The following TBC1D32 variants were observed in gnomAD, a reference collection of about 807,000 sequenced individuals.
TBC1D32 encodes the protein TBC1 domain family member 32.
A neutral mutation model predicts 170.3 loss-of-function variants in TBC1D32; 151 were observed. The ratio of observed to expected loss-of-function variants is 0.89; its 90% confidence interval spans 0.78 to 1.01. The LOEUF (loss-of-function observed/expected upper bound fraction) is 1.01, where lower values mean the gene tolerates loss of function less well. TBC1D32 is among the 50% of genes least tolerant of loss of function. TBC1D32 has a pLI of 0.00. For missense variants in TBC1D32, 1,464 were observed against 1,457.1 expected (o/e 1.00, Z -0.08); for synonymous variants, 498 against 488.0 (o/e 1.02, Z -0.27).
At chr6:121,271,398 A>G (rs1304601893) in intron 15 of TBC1D32, among the ~76,000 whole-genome samples, 1 of 152,210 alleles carries the variant, frequency 6.6e-6, no homozygotes, top group East Asian at 1.9e-4. Context: ...TTAAGCTGAT[A>G]AGCAACTTCA....
At chr6:121,274,601 T>C (rs1365775538) in intron 15 of TBC1D32, among the ~76,000 whole-genome samples, 1 of 152,014 alleles carries the variant, frequency 6.6e-6, no homozygotes, top group Non-Finnish European at 1.5e-5. Flanking sequence ...ACAATTATTA[T>C]GTGTCAATTT....
chr6:121,202,958 A>G lies in TBC1D32; in HGVS notation c.2570+2117T>C, dbSNP rs969866342. Among the ~76,000 whole-genome samples, 2 of 151,502 alleles carry G rather than the reference A, an allele frequency of 1.3e-5. 1 individual carries two copies. The highest frequency in any genetic ancestry group is 4.9e-5 in the African/African-American group (2 of 40,838). ...GCATTACACTTAATGCTACTGCTAC[A>G]GTTTTGAGGCAGAAGAAAATATAAA... On this transcript the variant is annotated intron_variant, in intron 22 of 31. Transcript: ENST00000398212.
chr6:121,168,306 C>G (rs1786357805), intron 22 of TBC1D32, among the ~76,000 whole-genome samples: 1 of 140,400 alleles, frequency 7.1e-6, no homozygotes, highest in South Asian at 2.4e-4. Context: ...AGACTTGGAA[C>G]CAACCCAAAT....
chr6:121,169,683 C>T (rs1786675257), intron 22 of TBC1D32, among the ~76,000 whole-genome samples: 1 of 152,102 alleles, frequency 6.6e-6, no homozygotes, highest in South Asian at 2.1e-4. Flanking sequence ...CTTCCATACT[C>T]AGCAGCTGTT....
chr6:121,280,362 G>C (rs1802811009), intron 14 of TBC1D32, among the ~76,000 whole-genome samples: 2 of 151,734 alleles, frequency 1.3e-5, no homozygotes, highest in Admixed American at 1.3e-4. Context: ...TATATTTGCA[G>C]TACCCAGCAG....
rs78006793 is a variant in TBC1D32 at position 121,179,190 on chromosome 6, A to G, written c.2571-18134T>C. 2.5e-3 allele frequency among the ~76,000 whole-genome samples: 384 copies of G among 152,092 alleles called. 13 individuals carry two copies. In the East Asian group the frequency reaches 0.064, roughly 25 times the overall value. ...GGGGGATACATATACACACATACAT[A>G]CATATATATACACACACACACTAAA... On this transcript the variant is annotated intron_variant, in intron 22 of 31. Transcript: ENST00000398212.
chr6:121,310,231 C>T (rs1807980468), intron 4 of TBC1D32, among the ~76,000 whole-genome samples: 2 of 151,812 alleles, frequency 1.3e-5, no homozygotes, highest in South Asian at 2.1e-4. Flanking sequence ...TTGAAAACTG[C>T]TAAGAGAGTA....
intron 10 of TBC1D32, among the ~76,000 whole-genome samples, chr6:121,296,757 A>AG (rs141008983): frequency 0.033 from 4,984 of 152,268 alleles, 192 homozygotes; most frequent in East Asian, 0.12. Flanking sequence ...AAAACAAAAC[A>AG]AAGTGGATTA....
intron 26 of TBC1D32, among the ~76,000 whole-genome samples, chr6:121,124,223 T>C (rs1469188414): frequency 2.0e-5 from 3 of 152,122 alleles, no homozygotes; most frequent in African/African-American, 7.2e-5. Context: ...CTGAAAGTGA[T>C]AAGTTCCCTC....
chr6:121,287,242 T>C (rs1177130550), intron 12 of TBC1D32, among the ~76,000 whole-genome samples: 2 of 152,200 alleles, frequency 1.3e-5, no homozygotes, highest in African/African-American at 4.8e-5. Flanking sequence ...ATCAGTGTGC[T>C]GTATTCAAGA....
chr6:121,116,170 G>GTT (rs879378155), intron 26 of TBC1D32, among the ~76,000 whole-genome samples: 4 of 142,254 alleles, frequency 2.8e-5, no homozygotes, highest in Non-Finnish European at 3.1e-5. Flanking sequence ...ATATCATGAA[G>GTT]TTTTTTTTTT....
rs565790502 is a variant in TBC1D32 at position 121,223,252 on chromosome 6, A to G, written c.2465T>C (p.Val822Ala). Residue 822 changes from valine to alanine, a missense_variant, in exon 21 of 32, where the codon GTC becomes GCC. Around this residue, in one of 3 missense-constraint regions of TBC1D32, gnomAD observed 1,363 missense variants for 1,338.1 expected, o/e 1.02. Transcript: ENST00000398212. ...PNKTEYSLRE[V>A]PTCVIDIIDR... Reference sequence around the variant, plus strand: ...ATGACTTACAATAACACATGTTGGGACTTCACGAAGAGAATATTCTGTTTT... The same window carrying G: ...ATGACTTACAATAACACATGTTGGGGCTTCACGAAGAGAATATTCTGTTTT... 1.5e-5 allele frequency: 23 copies of G among 1,561,454 alleles called. No homozygotes were observed. The East Asian group carries it at 4.5e-4, about 31-fold the overall frequency.
At chr6:121,168,978 A>C (rs1786550895) in intron 22 of TBC1D32, among the ~76,000 whole-genome samples, 1 of 152,218 alleles carries the variant, frequency 6.6e-6, no homozygotes, top group South Asian at 2.1e-4. Flanking sequence ...AGTATTGAGA[A>C]AATGACCATG....
intron 12 of TBC1D32, among the ~76,000 whole-genome samples, chr6:121,285,832 A>G (rs1281355655): frequency 6.6e-6 from 1 of 152,190 alleles, no homozygotes; most frequent in Non-Finnish European, 1.5e-5. Context: ...CTGTTCACCA[A>G]TATCCGCTGT....
At chr6:121,222,830 T>C (rs1413144430) in intron 21 of TBC1D32, among the ~76,000 whole-genome samples, 2 of 152,182 alleles carry the variant, frequency 1.3e-5, no homozygotes, top group Non-Finnish European at 2.9e-5. Flanking sequence ...CATGGGGCAA[T>C]AATATGTAGT....
At chr6:121,170,590 C>A in intron 22 of TBC1D32, 1 of 1,274,672 alleles carries the variant, frequency 7.8e-7, no homozygotes, top group Non-Finnish European at 1.0e-6. Flanking sequence ...ATAATTACAT[C>A]CTTGATGTCT....
intron 12 of TBC1D32, among the ~76,000 whole-genome samples, chr6:121,286,834 T>C (rs942097087): frequency 2.0e-5 from 3 of 151,860 alleles, no homozygotes; most frequent in Non-Finnish European, 4.4e-5. Context: ...CAGAAGAGAG[T>C]GGGGGCCAAT....
intron 22 of TBC1D32, among the ~76,000 whole-genome samples, chr6:121,182,344 A>G (rs1315249191): frequency 6.6e-6 from 1 of 152,032 alleles, no homozygotes; most frequent in Non-Finnish European, 1.5e-5. Flanking sequence ...TAGGGTAGGT[A>G]ATGAGAAAAA....
At position 121,080,906 on chromosome 6, in the gene TBC1D32, A is replaced by C. The variant is rs751533799; in HGVS notation, c.3655-16T>G. ...GTGCTTCTTCCTGCCAAAAATTACAAAGGGAAAATTATTTACTTGAGTAAG... is the reference window on the plus strand; with the variant it reads ...GTGCTTCTTCCTGCCAAAAATTACACAGGGAAAATTATTTACTTGAGTAAG... On this transcript the variant is annotated splice_polypyrimidine_tract_variant and intron_variant, in intron 31 of 31. Transcript: ENST00000398212. The C allele has an allele frequency of 6.2e-7, 1 of 1,604,780 alleles. No individual in the cohort carries two copies. Among genetic ancestry groups the C allele is most frequent in the Non-Finnish European group, 8.5e-7 (1 of 1,177,390 alleles).
Sources: gnomAD v4.1 joint callset for allele counts (sites outside exome capture counted in the v4.1 genomes callset) on GRCh38, gnomAD v4.1.1 for gene constraint, gnomAD v4.1.1 regional missense constraint, MANE v1.5 for transcripts, NCBI Gene and HGNC (gene_info 2026-07-23, HGNC 2026-07-21) for gene names.